The following HACE1 variants were observed in gnomAD, a reference collection of about 807,000 sequenced individuals.
HACE1 encodes the protein E3 ubiquitin-protein ligase HACE1.
In HACE1, 73 loss-of-function variants were observed where a neutral mutation model predicts 118.4. The ratio of observed to expected loss-of-function variants is 0.62; its 90% CI spans 0.51 to 0.75. The LOEUF (loss-of-function observed/expected upper bound fraction) is 0.75, where lower values mean the gene tolerates loss of function less well. HACE1 is among the 30% of genes least tolerant of loss of function. The pLI is 0.00. For missense variants in HACE1, 749 were observed against 1,102.2 expected (o/e 0.68, Z 4.54); for synonymous variants, 368 against 374.8 (o/e 0.98, Z 0.21).
At chr6:104,746,352 A>T (rs1192039400) in intron 20 of HACE1, among the ~76,000 whole-genome samples, 1 of 152,216 alleles carries the variant, frequency 6.6e-6, no homozygotes, top group African/African-American at 2.4e-5. Context: ...TCTAGTCTAC[A>T]TTGACCACCC....
chr6:104,803,969 C>A (rs539659324), intron 7 of HACE1, among the ~76,000 whole-genome samples: 4 of 152,128 alleles, frequency 2.6e-5, no homozygotes, highest in African/African-American at 9.7e-5. Flanking sequence ...AAAACCACAT[C>A]GTCTCAGCCC....
chr6:104,777,349 G>T, intron 14 of HACE1, 32 bp from the exon 15 acceptor site: 2 of 1,286,892 alleles, frequency 1.6e-6, no homozygotes, highest in Middle Eastern at 1.9e-4. Context: ...AAATATGTTA[G>T]CAGTGTATCA....
intron 22 of HACE1, among the ~76,000 whole-genome samples, chr6:104,734,582 A>G (rs974913864): frequency 6.6e-6 from 1 of 152,082 alleles, no homozygotes; most frequent in Non-Finnish European, 1.5e-5. Flanking sequence ...TTGAAAGGTG[A>G]ATTCTTCAAT....
At chr6:104,844,035 T>G (rs1369571305) in intron 4 of HACE1, among the ~76,000 whole-genome samples, 9 of 141,678 alleles carry the variant, frequency 6.4e-5, no homozygotes, top group Non-Finnish European at 1.2e-4. Flanking sequence ...TTTGTATGGG[T>G]TTTTTTTTTT....
chr6:104,744,553 C>G lies in HACE1; in HGVS notation c.2401G>C (p.Glu801Gln). 1.2e-6 allele frequency: 2 copies of G among 1,604,840 alleles called. No individual in the cohort carries two copies. Among genetic ancestry groups the G allele is most frequent in the Non-Finnish European group, 1.7e-6 (2 of 1,171,704 alleles). Reference protein sequence around the residue: ...IDVSDWIKNTEYTSGYEREDP... With the variant: ...IDVSDWIKNTQYTSGYEREDP... ...TCTCTTTCATAGCCACTTGTGTATTCTGTATTTTTTATCCAATCACTCACA... is the reference window on the plus strand; with the variant it reads ...TCTCTTTCATAGCCACTTGTGTATTGTGTATTTTTTATCCAATCACTCACA... Residue 801 changes from glutamate to glutamine, a missense_variant, in exon 21 of 24, where the codon GAA (glutamate) becomes CAA (glutamine). Coordinates refer to ENST00000262903, the MANE Select transcript of HACE1 (RefSeq NM_020771.4).
chr6:104,826,299 AACAG>A (rs1475655535), intron 6 of HACE1, among the ~76,000 whole-genome samples: 1 of 152,240 alleles, frequency 6.6e-6, no homozygotes, highest in African/African-American at 2.4e-5. Context: ...CAATGAACAA[AACAG>A]ACAAAAAAAC....
At position 104,729,770 on chromosome 6, in the gene HACE1, A is replaced by G. The variant is rs1775004629; in HGVS notation, c.2628-6T>C. On this transcript the variant is annotated splice_region_variant and splice_polypyrimidine_tract_variant and intron_variant, in intron 23 of 23. Transcript: ENST00000262903. ...GTAACTTGAGCATGTTGATGCTTTA[A>G]AAGAAAAATATACCACCATTAAACA... The G allele has an allele frequency of 8.2e-7, 1 of 1,215,040 alleles. No individual in the cohort carries two copies. The highest frequency in any genetic ancestry group is 1.2e-6 in the Non-Finnish European group (1 of 817,942). The allele number at this position is 1,215,040 out of a possible 1,614,324, so 75.3% of individuals were successfully genotyped here.
chr6:104,743,012 G>A (rs1234905678), intron 22 of HACE1, among the ~76,000 whole-genome samples: 1 of 152,054 alleles, frequency 6.6e-6, no homozygotes. Context: ...GTTCTTCGTA[G>A]GGACATGGAT....
intron 17 of HACE1, among the ~76,000 whole-genome samples, chr6:104,775,338 T>C (rs1781117237): frequency 6.6e-6 from 1 of 151,572 alleles, no homozygotes; most frequent in African/African-American, 2.4e-5. Flanking sequence ...GATCCAAGAT[T>C]GCGCCACTGC....
chr6:104,784,601 T>G, intron 12 of HACE1, 116 bp from the exon 13 acceptor site: 1 of 701,710 alleles, frequency 1.4e-6, no homozygotes. Flanking sequence ...AAAAAGAATT[T>G]GGTTTTGAAT....
chr6:104,785,733 TA>T (rs1299987288), intron 11 of HACE1: 1 of 162,810 alleles, frequency 6.1e-6, no homozygotes, highest in Non-Finnish European at 1.3e-5. Flanking sequence ...TTTTTTCAGT[TA>T]AAAAATGAGA....
At chr6:104,834,971 T>A (rs547792757) in intron 5 of HACE1, among the ~76,000 whole-genome samples, 8 of 152,296 alleles carry the variant, frequency 5.3e-5, no homozygotes, top group African/African-American at 1.9e-4. Context: ...ACAGGCACAT[T>A]GAACAAAGAA....
chr6:104,849,337 A>T (rs769877045), intron 3 of HACE1, 91 bp from the exon 4 acceptor site: 4 of 852,228 alleles, frequency 4.7e-6, no homozygotes, highest in Non-Finnish European at 8.0e-6. Context: ...TCTATTAAAC[A>T]CAATTTTCTT....
intron 19 of HACE1, among the ~76,000 whole-genome samples, chr6:104,753,129 A>G (rs996989268): frequency 1.3e-5 from 2 of 152,214 alleles, no homozygotes; most frequent in African/African-American, 4.8e-5. Flanking sequence ...TATCTTGACA[A>G]TACAAATTTT....
chr6:104,772,501 G>A (rs1780745396), intron 17 of HACE1, among the ~76,000 whole-genome samples: 1 of 152,176 alleles, frequency 6.6e-6, no homozygotes, highest in South Asian at 2.1e-4. Flanking sequence ...ATGTGCCAGT[G>A]CAGTAAGTAT....
At position 104,857,700 on chromosome 6, in the gene HACE1, A is replaced by G. The variant is rs546676139; in HGVS notation, c.76+1867T>C. ...GCGGGGCACGGTGGCTCACGCCTGT[A>G]ATCCCCCAGCACTTTGGGAGGCCGA... On this transcript the variant is annotated intron_variant, in intron 1 of 23. Coordinates refer to ENST00000262903, the MANE Select transcript of HACE1 (RefSeq NM_020771.4). 3.6e-4 allele frequency among the ~76,000 whole-genome samples: 55 copies of G among 151,854 alleles called. 1 individual carries two copies. Among genetic ancestry groups the G allele is most frequent in the Admixed American group, 3.6e-3 (55 of 15,252 alleles).
At chr6:104,845,692 T>C (rs1005843373) in intron 4 of HACE1, 6 of 152,102 alleles carry the variant, frequency 3.9e-5, no homozygotes, top group Admixed American at 3.3e-4. Flanking sequence ...TTAGCCAGGA[T>C]GGTCTCGATC....
chr6:104,765,499 T>C (rs1158859805), intron 19 of HACE1, among the ~76,000 whole-genome samples: 3 of 152,344 alleles, frequency 2.0e-5, no homozygotes, highest in African/African-American at 2.4e-5. Context: ...AACAGCAATA[T>C]AGACTTGTTC....
intron 11 of HACE1, among the ~76,000 whole-genome samples, chr6:104,790,380 C>G (rs1459942573): frequency 6.6e-6 from 1 of 152,176 alleles, no homozygotes; most frequent in African/African-American, 2.4e-5. Context: ...AACTAGTTTT[C>G]AAGGAAGTGG....
Sources: gnomAD v4.1 joint callset for allele counts (sites outside exome capture counted in the v4.1 genomes callset) on GRCh38, gnomAD v4.1.1 for gene constraint, MANE v1.5 for transcripts, NCBI Gene and HGNC (gene_info 2026-07-23, HGNC 2026-07-21) for gene names.